ERC1: variants seen among roughly 807,000 people sequenced by gnomAD.
ERC1 encodes the protein RAB6 interacting protein 2.
In ERC1, 56 loss-of-function variants were observed where a neutral mutation model predicts 132.0. That is an observed-to-expected ratio of 0.42 (90% confidence interval 0.34 to 0.53). ERC1 has a LOEUF of 0.53. Ranked by LOEUF, ERC1 falls within the 20% of genes least tolerant of loss-of-function variation. ERC1 has a pLI of 0.03. For missense variants in ERC1, 1,202 were observed against 1,349.9 expected, an observed-to-expected ratio of 0.89 and a Z score of 1.72; for synonymous variants, 478 against 476.1, an observed-to-expected ratio of 1.00 and a Z score of -0.05.
rs113967541 is a variant in ERC1, at chr12:1,328,985, TAAAA to T, written c.2780+38988_2780+38991del. On this transcript the variant is annotated intron_variant, in intron 15 of 18. Coordinates refer to ENST00000360905, the MANE Select transcript of ERC1 (RefSeq NM_178040.4). ...AAATAAATGTCTATTTAAAAGTTAC[TAAAA>T]AAAAAAAAAAAAAAGCCTTAGCGAC... 3.8e-4 allele frequency among the ~76,000 whole-genome samples: 33 copies of T among 86,772 alleles called. 2 individuals carry two copies. The highest frequency in any genetic ancestry group is 9.5e-4 in the African/African-American group (26 of 27,298). 56.9% of individuals were successfully genotyped at this position (86,772 alleles called of 152,430 possible). A position where few individuals can be genotyped will look rare whatever the true frequency, so the allele number is the denominator to read the frequency against.
At chr12:1,289,702 C>A (rs1042870966) in intron 14 of ERC1, 150 bp from the exon 15 acceptor site, 2 of 601,270 alleles carry the variant, frequency 3.3e-6, no homozygotes, top group African/African-American at 3.7e-5. Context: ...GATATATACA[C>A]ACACATAACT....
At chr12:1,348,560 G>T (rs1411616010) in intron 15 of ERC1, among the ~76,000 whole-genome samples, 1 of 152,090 alleles carries the variant, frequency 6.6e-6, no homozygotes, top group Non-Finnish European at 1.5e-5. Flanking sequence ...GGGCGTGGTG[G>T]CAGGCGCCCA....
intron 8 of ERC1, among the ~76,000 whole-genome samples, chr12:1,151,267 A>G (rs1461902567): frequency 6.6e-6 from 1 of 152,240 alleles, no homozygotes; most frequent in East Asian, 1.9e-4. Context: ...GGGGGAGATC[A>G]GGGATTTTAC....
At chr12:1,102,646 T>G (rs1047747379) in intron 3 of ERC1, among the ~76,000 whole-genome samples, 1 of 152,250 alleles carries the variant, frequency 6.6e-6, no homozygotes, top group East Asian at 1.9e-4. Flanking sequence ...CAGCTACTGT[T>G]GTAGGTGCTT....
intron 16 of ERC1, among the ~76,000 whole-genome samples, chr12:1,402,939 A>C (rs1017970540): frequency 6.6e-6 from 1 of 152,258 alleles, no homozygotes; most frequent in Non-Finnish European, 1.5e-5. Flanking sequence ...ATACTAAAAC[A>C]CAAATCTAAT....
chr12:1,453,782 C>A (rs1041090180), intron 18 of ERC1, among the ~76,000 whole-genome samples: 4 of 151,854 alleles, frequency 2.6e-5, no homozygotes, highest in Non-Finnish European at 5.9e-5. Context: ...ACCTTTATAC[C>A]CAGAATTAAC....
intron 12 of ERC1, among the ~76,000 whole-genome samples, chr12:1,216,151 A>G (rs536474852): frequency 1.2e-3 from 179 of 152,214 alleles, no homozygotes; most frequent in African/African-American, 4.0e-3. Context: ...GCATCCTTTA[A>G]TAATGAAATC....
chr12:1,077,368 T>C (rs1194702928), intron 2 of ERC1, among the ~76,000 whole-genome samples: 1 of 152,248 alleles, frequency 6.6e-6, no homozygotes, highest in Non-Finnish European at 1.5e-5. Context: ...GCTTCTGATA[T>C]TTATCTAAAA....
chr12:1,470,685 G>C (rs1446791561), intron 18 of ERC1, among the ~76,000 whole-genome samples: 1 of 152,166 alleles, frequency 6.6e-6, no homozygotes, highest in Non-Finnish European at 1.5e-5. Flanking sequence ...AATAATGTGA[G>C]ATATTACCAA....
At position 1,101,331 on chromosome 12, in the gene ERC1, C is replaced by T. The variant is rs146981275; in HGVS notation, c.1087-3419C>T. ...AGAATAATGCCTCGAATCAATCACA[C>T]TTCTATATTGCTTTAGTGATGACAG... On this transcript the variant is annotated intron_variant, in intron 3 of 18. Transcript: ENST00000360905. 5.9e-5 allele frequency among the ~76,000 whole-genome samples: 9 copies of T among 152,258 alleles called. No individual in the cohort carries two copies. The East Asian group carries it at 1.5e-3, about 26-fold the overall frequency.
intron 16 of ERC1, among the ~76,000 whole-genome samples, chr12:1,372,922 A>G (rs2087417961): frequency 6.6e-6 from 1 of 152,256 alleles, no homozygotes; most frequent in African/African-American, 2.4e-5. Context: ...CAATATTTAA[A>G]CAACAAAGTT....
At chr12:1,200,809 C>T (rs1192212322) in intron 12 of ERC1, among the ~76,000 whole-genome samples, 2 of 152,160 alleles carry the variant, frequency 1.3e-5, no homozygotes, top group African/African-American at 2.4e-5. Context: ...CCGCCCGCCT[C>T]GGCCTCCCAA....
chr12:1,270,719 T>C lies in ERC1; in HGVS notation c.2619+7554T>C, dbSNP rs2077782497. 2.6e-5 allele frequency among the ~76,000 whole-genome samples: 4 copies of C among 151,748 alleles called. No individual in the cohort carries two copies. The South Asian group carries it at 8.3e-4, about 31-fold the overall frequency. ...TATAACTAGTGATTCTAATCATAAC[T>C]CAGTGCACAAGAATTCTTAAGGGTT... On this transcript the variant is annotated intron_variant, in intron 14 of 18. Coordinates refer to ENST00000360905, the MANE Select transcript of ERC1 (RefSeq NM_178040.4).
chr12:1,270,948 T>C (rs1257438795), intron 14 of ERC1, among the ~76,000 whole-genome samples: 1 of 152,146 alleles, frequency 6.6e-6, no homozygotes, highest in Non-Finnish European at 1.5e-5. Context: ...GGTTTTTGAA[T>C]AGATGATGAT....
At chr12:1,439,326 T>G (rs1288241240) in intron 17 of ERC1, among the ~76,000 whole-genome samples, 12 of 152,244 alleles carry the variant, frequency 7.9e-5, no homozygotes, top group Admixed American at 7.9e-4. Context: ...CTAAAGACCA[T>G]CAGTTATCCA....
intron 1 of ERC1, among the ~76,000 whole-genome samples, chr12:1,000,555 A>C (rs1420831817): frequency 6.6e-6 from 1 of 151,834 alleles, no homozygotes; most frequent in African/African-American, 2.4e-5. Flanking sequence ...ACTTAAATTA[A>C]GTGTCTCTGC....
intron 15 of ERC1, among the ~76,000 whole-genome samples, chr12:1,306,334 T>C (rs2080879305): frequency 6.6e-6 from 1 of 152,222 alleles, no homozygotes; most frequent in African/African-American, 2.4e-5. Flanking sequence ...TTAAAGGGGC[T>C]TGTTCCATGT....
chr12:1,160,995 AG>A (rs1216303670), intron 8 of ERC1, among the ~76,000 whole-genome samples: 2 of 152,230 alleles, frequency 1.3e-5, no homozygotes, highest in Non-Finnish European at 2.9e-5. Flanking sequence ...GCACTGGAAT[AG>A]TCTTTGCTGT....
Position 1,340,399 on chromosome 12 carries a change from C to A in ERC1, c.2781-31434C>A, listed in dbSNP as rs1350531815. On this transcript the variant is annotated intron_variant, in intron 15 of 18. Transcript: ENST00000360905. ...CCACTACAGACTCTACCACACCAAACCCTCTGGGTTCCACCTCAGCTGACG... is the reference window on the plus strand; with the variant it reads ...CCACTACAGACTCTACCACACCAAAACCTCTGGGTTCCACCTCAGCTGACG... Among the ~76,000 whole-genome samples the A allele has an allele frequency of 3.3e-5, 5 of 152,148 alleles. No individual in the cohort carries two copies. The East Asian group carries it at 9.7e-4, about 29-fold the overall frequency.
Sources: allele counts gnomAD v4.1 joint callset (sites outside exome capture counted in the v4.1 genomes callset), GRCh38; gene constraint gnomAD v4.1.1; transcripts MANE v1.5; gene names NCBI Gene and HGNC (gene_info 2026-07-23, HGNC 2026-07-21).